The following MAGI1 variants were observed in gnomAD, a reference collection of about 807,000 sequenced individuals.
MAGI1 encodes membrane associated guanylate kinase, WW and PDZ domain containing 1, also known as membrane-associated guanylate kinase, WW and PDZ domain-containing protein 1.
In MAGI1, 58 loss-of-function variants were observed where a neutral mutation model predicts 139.9. That is an observed-to-expected ratio of 0.41 (90% CI 0.34 to 0.52). MAGI1 has a LOEUF of 0.52. Ranked by LOEUF, MAGI1 falls within the 20% of genes least tolerant of loss-of-function variation. The pLI is 0.12. For synonymous variants in MAGI1, 812 were observed against 737.9 expected (o/e 1.10, Z -1.63); for missense variants, 1,874 against 1,901.6 (o/e 0.99, Z 0.27).
intron 1 of MAGI1, among the ~76,000 whole-genome samples, chr3:65,931,573 G>A (rs1313856292): frequency 2.0e-5 from 3 of 152,198 alleles, no homozygotes; most frequent in African/African-American, 7.2e-5. Context: ...GCTGAGGTGG[G>A]AGGATCATTT....
At chr3:65,538,613 T>C (rs1023575433) in intron 2 of MAGI1, among the ~76,000 whole-genome samples, 1 of 152,114 alleles carries the variant, frequency 6.6e-6, no homozygotes, top group African/African-American at 2.4e-5. Context: ...AAGCCTGTAA[T>C]TGAGCTGAAA....
chr3:65,401,223 C>T (rs888648604), intron 13 of MAGI1, among the ~76,000 whole-genome samples: 1 of 152,180 alleles, frequency 6.6e-6, no homozygotes, highest in Non-Finnish European at 1.5e-5. Context: ...CTCCTGCAGC[C>T]TGCCCACAAA....
chr3:65,928,950 G>A (rs1375886138), intron 1 of MAGI1, among the ~76,000 whole-genome samples: 1 of 152,044 alleles, frequency 6.6e-6, no homozygotes, highest in Non-Finnish European at 1.5e-5. Flanking sequence ...TAATGGGTGG[G>A]CAGGACATAA....
Position 65,800,489 on chromosome 3 carries a change from A to G in MAGI1, c.314-178401T>C, listed in dbSNP as rs78546777. On this transcript the variant is annotated intron_variant, in intron 1 of 22. Coordinates refer to ENST00000402939, the MANE Select transcript of MAGI1 (RefSeq NM_001033057.2). ...CAGACATTGTGTATCAGTGAGTCCA[A>G]TTGTCCAGTCTCATAGTCTTTATAA... Among the ~76,000 whole-genome samples, 584 of 152,262 alleles carry G rather than the reference A, an allele frequency of 3.8e-3. 9 individuals carry two copies. Among genetic ancestry groups the G allele is most frequent in the Admixed American group, 0.03 (458 of 15,274 alleles).
At chr3:65,953,583 G>C (rs2063968116) in intron 1 of MAGI1, among the ~76,000 whole-genome samples, 1 of 152,166 alleles carries the variant, frequency 6.6e-6, no homozygotes, top group Admixed American at 6.5e-5. Context: ...TCCACAGGGA[G>C]GTTTCAGCAG....
At chr3:65,982,546 C>T (rs1427415350) in intron 1 of MAGI1, among the ~76,000 whole-genome samples, 1 of 152,124 alleles carries the variant, frequency 6.6e-6, no homozygotes, top group African/African-American at 2.4e-5. Flanking sequence ...TTTTAAATAT[C>T]AATACCTAAT....
intron 9 of MAGI1, among the ~76,000 whole-genome samples, chr3:65,439,577 T>C (rs1948094048): frequency 6.6e-6 from 1 of 152,184 alleles, no homozygotes; most frequent in Non-Finnish European, 1.5e-5. Flanking sequence ...TAGCTACCAG[T>C]TGCAATGCAA....
intron 1 of MAGI1, among the ~76,000 whole-genome samples, chr3:65,664,631 C>T (rs2086396689): frequency 1.3e-5 from 2 of 152,168 alleles, no homozygotes; most frequent in South Asian, 4.1e-4. Flanking sequence ...TGCCTACTCA[C>T]TGAATTTTAT....
At position 65,904,477 on chromosome 3, in the gene MAGI1, C is replaced by T. The variant is rs1250746043; in HGVS notation, c.313+133519G>A. Reference sequence around the variant, plus strand: ...AATCCAAAACCCTGACCACGGCCTTCAGGGCCCTGCGGCCCGGCCTCTGCT... The same window carrying T: ...AATCCAAAACCCTGACCACGGCCTTTAGGGCCCTGCGGCCCGGCCTCTGCT... On this transcript the variant is annotated intron_variant, in intron 1 of 22. Coordinates refer to ENST00000402939, the MANE Select transcript of MAGI1 (RefSeq NM_001033057.2). 2.0e-5 allele frequency among the ~76,000 whole-genome samples: 3 copies of T among 152,244 alleles called. No homozygotes were observed. In the East Asian group the frequency reaches 5.8e-4, roughly 29 times the overall value.
chr3:65,963,331 A>G (rs947971471), intron 1 of MAGI1, among the ~76,000 whole-genome samples: 2 of 150,394 alleles, frequency 1.3e-5, no homozygotes, highest in East Asian at 1.9e-4. Flanking sequence ...AAAAAAAAGT[A>G]GCTCGGCCAG....
intron 1 of MAGI1, among the ~76,000 whole-genome samples, chr3:65,857,380 T>C (rs773470190): frequency 1.4e-4 from 21 of 152,248 alleles, no homozygotes; most frequent in South Asian, 2.1e-4. Context: ...TAAACTTTTG[T>C]TCATTATCAC....
chr3:65,769,015 G>A (rs1438769680), intron 1 of MAGI1, among the ~76,000 whole-genome samples: 2 of 151,880 alleles, frequency 1.3e-5, no homozygotes, highest in African/African-American at 4.8e-5. Flanking sequence ...GAGCCTCTTG[G>A]TAACTTAAAT....
intron 2 of MAGI1, among the ~76,000 whole-genome samples, chr3:65,527,408 C>T (rs2078436261): frequency 6.6e-6 from 1 of 152,040 alleles, no homozygotes; most frequent in African/African-American, 2.4e-5. Context: ...GGTGAAACCC[C>T]ATCTCTACTG....
chr3:65,997,150 T>C (rs2066491873), intron 1 of MAGI1, among the ~76,000 whole-genome samples: 1 of 152,196 alleles, frequency 6.6e-6, no homozygotes. Context: ...AAAATGCATC[T>C]ATGTACCCAC....
chr3:65,533,351 C>T (rs955880175), intron 2 of MAGI1, among the ~76,000 whole-genome samples: 1 of 152,156 alleles, frequency 6.6e-6, no homozygotes, highest in Non-Finnish European at 1.5e-5. Context: ...CTGCTCTTCT[C>T]ATCACAGAAT....
chr3:65,465,942 T>C (rs1002377137), intron 5 of MAGI1, among the ~76,000 whole-genome samples: 4 of 152,182 alleles, frequency 2.6e-5, no homozygotes, highest in African/African-American at 9.6e-5. Flanking sequence ...ATTTTCTCTC[T>C]ATTGTTCTTA....
At chr3:65,364,581 T>G in intron 20 of MAGI1, 84 bp downstream of exon 20, 1 of 1,185,702 alleles carries the variant, frequency 8.4e-7, no homozygotes, top group Non-Finnish European at 1.2e-6. Context: ...TTAAAGGTGC[T>G]TCAAAAAATA....
chr3:65,777,416 T>G (rs2038538446), intron 1 of MAGI1, among the ~76,000 whole-genome samples: 1 of 152,166 alleles, frequency 6.6e-6, no homozygotes, highest in African/African-American at 2.4e-5. Flanking sequence ...AATATCAGGT[T>G]CATTATCACC....
intron 1 of MAGI1, among the ~76,000 whole-genome samples, chr3:66,015,588 G>A (rs369929849): frequency 1.4e-4 from 21 of 152,294 alleles, no homozygotes; most frequent in African/African-American, 4.8e-4. Flanking sequence ...AGCAAAGGAT[G>A]GCATAGAGTA....
Sources: gnomAD v4.1 joint callset for allele counts (sites outside exome capture counted in the v4.1 genomes callset) on GRCh38, gnomAD v4.1.1 for gene constraint, MANE v1.5 for transcripts, NCBI Gene and HGNC (gene_info 2026-07-23, HGNC 2026-07-21) for gene names.